Variants in KDM4D observed in about 807,000 individuals in gnomAD.
KDM4D encodes lysine demethylase 4D.
For synonymous variants in KDM4D, 254 were observed against 249.1 expected (o/e 1.02, Z -0.19); for missense variants, 427 against 674.8 (o/e 0.63, Z 4.07).
At chr11:94,994,938 T>G (rs1482695250) in intron 2 of KDM4D, among the ~76,000 whole-genome samples, 5 of 152,108 alleles carry the variant, frequency 3.3e-5, no homozygotes. Context: ...GTGGGAAATG[T>G]TGATTTAAGG....
intron 1 of KDM4D, among the ~76,000 whole-genome samples, chr11:94,974,754 C>A (rs781212164): frequency 6.6e-6 from 1 of 152,196 alleles, no homozygotes; most frequent in Non-Finnish European, 1.5e-5. Context: ...CTTAACAATT[C>A]TACTTTTAAA....
At chr11:94,979,885 C>T (rs1470208304) in intron 2 of KDM4D, among the ~76,000 whole-genome samples, 4 of 152,048 alleles carry the variant, frequency 2.6e-5, no homozygotes, top group Non-Finnish European at 5.9e-5. Context: ...CTTGATTGTC[C>T]GGCTTTTCAA....
chr11:94,991,328 G>A (rs185709842), intron 2 of KDM4D, among the ~76,000 whole-genome samples: 360 of 151,880 alleles, frequency 2.4e-3, no homozygotes, highest in African/African-American at 7.6e-3. Context: ...AGACATGTGA[G>A]GAAAGCCTTA....
In KDM4D at chr11:94,997,062, T is replaced by A. The variant is rs1857980726; in HGVS notation, c.-311T>A. On this transcript the variant is annotated 5_prime_UTR_variant, in exon 3 of 3. Coordinates refer to ENST00000335080, the MANE Select transcript of KDM4D (RefSeq NM_018039.3). ...CACTGAGGACATTCTCTGCTACATT[T>A]GGGTCGTACCCCCAGGTCTGAGTAA... 4.6e-6 allele frequency: 1 copy of A among 218,318 alleles called. No homozygotes were observed. Among genetic ancestry groups the A allele is most frequent in the Admixed American group, 5.6e-5 (1 of 17,846 alleles). 13.5% of individuals were successfully genotyped at this position (218,318 alleles called of 1,614,324 possible).
At position 94,997,120 on chromosome 11, in the gene KDM4D, C is replaced by T; in HGVS notation, c.-253C>T. 3.0e-6 allele frequency: 1 copy of T among 335,992 alleles called. No individual in the cohort carries two copies. The highest frequency in any genetic ancestry group is 5.3e-6 in the Non-Finnish European group (1 of 187,066). 20.8% of individuals were successfully genotyped at this position (335,992 alleles called of 1,614,324 possible). ...GACTTAAGAAGACAGAGCCCAGCAG[C>T]AACCGAAACATAACAGAGTTGCAGG... is the stretch of plus-strand genomic sequence containing the variant. On this transcript the variant is annotated 5_prime_UTR_variant, in exon 3 of 3. Transcript: ENST00000335080.
intron 2 of KDM4D, among the ~76,000 whole-genome samples, chr11:94,978,069 GGAGA>G (rs1313309932): frequency 6.6e-6 from 1 of 151,938 alleles, no homozygotes; most frequent in Non-Finnish European, 1.5e-5. Context: ...CTTTCTTTCG[GGAGA>G]GAATCTCTAA....
intron 2 of KDM4D, among the ~76,000 whole-genome samples, chr11:94,995,000 C>T (rs889185405): frequency 1.2e-4 from 19 of 152,084 alleles, no homozygotes; most frequent in Middle Eastern, 3.4e-3. Context: ...CCTGAGAGGA[C>T]GGAGAACAGT....
chr11:94,992,037 CT>C (rs1160406359), intron 2 of KDM4D, among the ~76,000 whole-genome samples: 9 of 152,040 alleles, frequency 5.9e-5, no homozygotes, highest in East Asian at 1.9e-4. Context: ...ATAACCCCCC[CT>C]CTCCGAAATA....
intron 2 of KDM4D, among the ~76,000 whole-genome samples, chr11:94,990,387 T>C (rs1378079443): frequency 6.6e-6 from 1 of 151,980 alleles, no homozygotes; most frequent in Non-Finnish European, 1.5e-5. Flanking sequence ...GTTTATAACT[T>C]AGAAAAGAGA....
rs1472138134 is a variant in KDM4D at position 94,994,203 on chromosome 11, TAGTC to T, written c.-349-2817_-349-2814del. ...TATGTCTGGGAAAAGGGAGATGTAA[TAGTC>T]AGTGGTGACTACGATAACACATTAT... On this transcript the variant is annotated intron_variant, in intron 2 of 2. Transcript: ENST00000335080. 6.6e-5 allele frequency among the ~76,000 whole-genome samples: 10 copies of T among 152,300 alleles called. No individual in the cohort carries two copies. The South Asian group carries it at 1.9e-3, about 28-fold the overall frequency.
intron 2 of KDM4D, 23 bp downstream of exon 2, chr11:94,975,771 A>T (rs1857792598): frequency 6.6e-6 from 1 of 152,180 alleles, no homozygotes; most frequent in South Asian, 2.1e-4. Context: ...TGAATGAATG[A>T]ATGAATGAAT....
In KDM4D at chr11:94,998,415, T is replaced by C. The variant is rs1857994611; in HGVS notation, c.1043T>C (p.Met348Thr). Reference protein sequence around the residue: ...RGQDRAVVDHMEPRVPASQEL... With the variant: ...RGQDRAVVDHTEPRVPASQEL... ...CAAGACCGGGCAGTTGTGGACCACA[T>C]GGAGCCCAGGGTACCAGCCAGCCAA... Residue 348 changes from methionine (M) to threonine (T), a missense_variant, in exon 3 of 3, where the codon ATG becomes ACG. Coordinates refer to ENST00000335080, the MANE Select transcript of KDM4D (RefSeq NM_018039.3). The surrounding 1 kb of genome is among the most constrained non-coding windows in gnomAD (Gnocchi z 6.7). 1 of 1,613,850 alleles carries C rather than the reference T, an allele frequency of 6.2e-7. No individual in the cohort carries two copies. Among genetic ancestry groups the C allele is most frequent in the African/African-American group, 1.3e-5 (1 of 74,934 alleles).
chr11:94,994,325 C>T (rs953481815), intron 2 of KDM4D, among the ~76,000 whole-genome samples: 11 of 152,102 alleles, frequency 7.2e-5, no homozygotes, highest in Non-Finnish European at 1.3e-4. Flanking sequence ...CTTTCAGGGG[C>T]TCACTGGGCC....
Position 94,998,441 on chromosome 11 carries a change from G to C in KDM4D, c.1069G>C (p.Glu357Gln), listed in dbSNP as rs1857995250. Residue 357 changes from glutamate (E) to glutamine (Q), a missense_variant, in exon 3 of 3, where the codon GAG becomes CAG. Physicochemically the swap from Glu to Gln is conservative, Grantham distance 29. Transcript: ENST00000335080. This position sits in a 1 kb window ranked among gnomAD's most constrained non-coding sequence, Gnocchi z 6.7. Reference sequence around the variant, plus strand: ...GGAGCCCAGGGTACCAGCCAGCCAAGAGCTGAGCACCCAGAAGGAAGTCCA... The same window carrying C: ...GGAGCCCAGGGTACCAGCCAGCCAACAGCTGAGCACCCAGAAGGAAGTCCA... ...HMEPRVPASQ[E>Q]LSTQKEVQLP... 1 of 1,613,504 alleles carries C rather than the reference G, an allele frequency of 6.2e-7. No individual in the cohort carries two copies. Among genetic ancestry groups the C allele is most frequent in the Non-Finnish European group, 8.5e-7 (1 of 1,179,998 alleles).
rs587648833 is a variant in KDM4D at position 94,997,293 on chromosome 11, AT to A, written c.-71del. 766 of 1,172,832 alleles carry A rather than the reference AT, an allele frequency of 6.5e-4. 2 individuals are homozygous for A. The highest frequency in any genetic ancestry group is 3.7e-3 in the African/African-American group (238 of 64,268). 72.7% of individuals were successfully genotyped at this position (1,172,832 alleles called of 1,614,324 possible). On this transcript the variant is annotated 5_prime_UTR_variant, in exon 3 of 3. Coordinates refer to ENST00000335080, the MANE Select transcript of KDM4D (RefSeq NM_018039.3). ...CTACCTCATAGATAACACCAGTCAA[AT>A]TTTTTTTTAAAGTAGCATTTTCCTA...
rs1422728680 is a variant in KDM4D, at chr11:94,998,858, GC to G, written c.1487del (p.Ala496ValfsTer2). 6.4e-7 allele frequency: 1 copy of G among 1,559,732 alleles called. No individual in the cohort carries two copies. Among genetic ancestry groups the G allele is most frequent in the African/African-American group, 1.4e-5 (1 of 73,242 alleles). ...ACCTGAGCCCCTACCTGAGGATGGG[GC>G]TTTGATGGACAAGCCTGTACCACTG... is the stretch of plus-strand genomic sequence containing the variant. ...PEPEPLPEDGALMDKPVPLSP... is the reference protein window; with the variant it reads ...PEPEPLPEDGXLMDKPVPLSP... On this transcript the variant is annotated frameshift_variant, in exon 3 of 3. Transcript: ENST00000335080. LOFTEE classifies it low-confidence loss of function (END_TRUNC). This position sits in a 1 kb window ranked among gnomAD's most constrained non-coding sequence, Gnocchi z 6.7.
rs964150312 is a variant in KDM4D at position 94,975,945 on chromosome 11, G to A, written c.-350+197G>A. On this transcript the variant is annotated intron_variant, in intron 2 of 2. Coordinates refer to ENST00000335080, the MANE Select transcript of KDM4D (RefSeq NM_018039.3). ...TAACCTAATCTTTTGGTTGCCAGTGGTGATAAATAGCCACCCTATAATTTC... is the reference window on the plus strand; with the variant it reads ...TAACCTAATCTTTTGGTTGCCAGTGATGATAAATAGCCACCCTATAATTTC... Among the ~76,000 whole-genome samples, 3 of 152,234 alleles carry A rather than the reference G, an allele frequency of 2.0e-5. No individual in the cohort carries two copies. In the East Asian group the frequency reaches 5.8e-4, roughly 29 times the overall value.
chr11:94,974,527 G>T (rs1857778826), intron 1 of KDM4D, among the ~76,000 whole-genome samples: 1 of 152,130 alleles, frequency 6.6e-6, no homozygotes, highest in Non-Finnish European at 1.5e-5. Flanking sequence ...TAAATTCTTT[G>T]CAACTTTTTA....
chr11:94,994,491 G>C (rs1857960656), intron 2 of KDM4D, among the ~76,000 whole-genome samples: 2 of 152,072 alleles, frequency 1.3e-5, no homozygotes, highest in Admixed American at 1.3e-4. Flanking sequence ...AGTTAAGAGG[G>C]ATAAAAATTG....
Sources: allele counts gnomAD v4.1 joint callset (sites outside exome capture counted in the v4.1 genomes callset), GRCh38; gene constraint gnomAD v4.1.1; non-coding constraint Gnocchi (gnomAD v3.1); transcripts MANE v1.5; gene names NCBI Gene and HGNC (gene_info 2026-07-23, HGNC 2026-07-21).